EFNA5: variants seen among roughly 807,000 people sequenced by gnomAD.
EFNA5 encodes the protein ephrin A5.
Under a neutral mutation model 22.9 loss-of-function variants are expected in EFNA5, and 5 were observed. The ratio of observed to expected loss-of-function variants is 0.22; its 90% CI spans 0.11 to 0.46. EFNA5 has a LOEUF of 0.46. EFNA5 is among the 20% of genes least tolerant of loss of function. The pLI is 0.99. For synonymous variants in EFNA5, 113 were observed against 112.2 expected (o/e 1.01, Z -0.04); for missense variants, 237 against 293.3 (o/e 0.81, Z 1.40).
chr5:107,626,675 A>G (rs1750148175), intron 1 of EFNA5, among the ~76,000 whole-genome samples: 1 of 152,216 alleles, frequency 6.6e-6, no homozygotes, highest in South Asian at 2.1e-4. Context: ...TTGCCTTAAT[A>G]AAACATAACT....
chr5:107,639,926 G>A (rs1750468187), intron 1 of EFNA5, among the ~76,000 whole-genome samples: 1 of 152,072 alleles, frequency 6.6e-6, no homozygotes, highest in Non-Finnish European at 1.5e-5. Context: ...TAAAATATAA[G>A]AAAAGCTTTA....
At chr5:107,540,618 C>T (rs532404203) in intron 1 of EFNA5, among the ~76,000 whole-genome samples, 1 of 152,160 alleles carries the variant, frequency 6.6e-6, no homozygotes, top group African/African-American at 2.4e-5. Flanking sequence ...ATTATTAAAG[C>T]TAATGAAAAG....
chr5:107,582,143 G>A (rs367579469), intron 1 of EFNA5, among the ~76,000 whole-genome samples: 1 of 152,242 alleles, frequency 6.6e-6, no homozygotes, highest in South Asian at 2.1e-4. Flanking sequence ...TAAATTGTTA[G>A]TAACTCTAAT....
At chr5:107,567,093 G>A (rs980627513) in intron 1 of EFNA5, among the ~76,000 whole-genome samples, 4 of 152,186 alleles carry the variant, frequency 2.6e-5, no homozygotes, top group Non-Finnish European at 2.9e-5. Flanking sequence ...AGCTAGATAT[G>A]ATTGGAAATA....
chr5:107,560,716 C>A (rs1748516657), intron 1 of EFNA5, among the ~76,000 whole-genome samples: 1 of 152,200 alleles, frequency 6.6e-6, no homozygotes. Context: ...TAGACTTGGG[C>A]TCCTCTCCTT....
At chr5:107,476,340 A>C (rs976068460) in intron 1 of EFNA5, among the ~76,000 whole-genome samples, 6 of 151,850 alleles carry the variant, frequency 4.0e-5, no homozygotes, top group African/African-American at 7.3e-5. Context: ...GGAGTGAGCC[A>C]CTGTGCCCAG....
At chr5:107,492,225 G>A (rs1746824838) in intron 1 of EFNA5, among the ~76,000 whole-genome samples, 1 of 151,896 alleles carries the variant, frequency 6.6e-6, no homozygotes, top group African/African-American at 2.4e-5. Flanking sequence ...GTCTTATAAA[G>A]TTACAAAAAC....
At chr5:107,620,388 C>T (rs1208062508) in intron 1 of EFNA5, among the ~76,000 whole-genome samples, 3 of 152,136 alleles carry the variant, frequency 2.0e-5, no homozygotes, top group Admixed American at 6.5e-5. Flanking sequence ...TATTTATGAA[C>T]GTTATACACA....
intron 1 of EFNA5, among the ~76,000 whole-genome samples, chr5:107,588,713 C>A (rs1228042767): frequency 6.6e-6 from 1 of 151,980 alleles, no homozygotes; most frequent in Non-Finnish European, 1.5e-5. Context: ...ACTGTTAGTG[C>A]CCAGGAGACA....
chr5:107,623,027 CAAAAAAAAAAAAAAAAAAA>C (rs61689503), intron 1 of EFNA5, among the ~76,000 whole-genome samples: 6 of 29,886 alleles, frequency 2.0e-4, no homozygotes, highest in Non-Finnish European at 3.4e-4. Flanking sequence ...GACTCCGTCT[CAAAAAAAAAAAAAAAAAAA>C]AAAAAAAAAA....
rs776985020 is a variant in EFNA5 at position 107,670,620 on chromosome 5, T to G, written c.-7A>C. On this transcript the variant is annotated 5_prime_UTR_variant, in exon 1 of 5. Transcript: ENST00000333274. ...ACATCTCCACGTGCAACATCACGCC[T>G]GGCCAGCGGCGGAGCCCCCGACGCG... 6.2e-7 allele frequency: 1 copy of G among 1,600,490 alleles called. No individual in the cohort carries two copies. Among genetic ancestry groups the G allele is most frequent in the South Asian group, 1.1e-5 (1 of 88,234 alleles).
intron 2 of EFNA5, among the ~76,000 whole-genome samples, chr5:107,402,810 C>T (rs543124046): frequency 1.1e-3 from 163 of 152,278 alleles, no homozygotes; most frequent in Middle Eastern, 6.8e-3. Flanking sequence ...ATCAAGTCTT[C>T]GGGCAAATTT....
intron 1 of EFNA5, among the ~76,000 whole-genome samples, chr5:107,475,929 G>A (rs1750272754): frequency 6.7e-6 from 1 of 150,028 alleles, no homozygotes; most frequent in Non-Finnish European, 1.5e-5. Flanking sequence ...TTTTACAAGA[G>A]TGAATTTCAA....
intron 1 of EFNA5, among the ~76,000 whole-genome samples, chr5:107,569,975 C>A (rs1462716127): frequency 6.6e-6 from 1 of 151,712 alleles, no homozygotes; most frequent in East Asian, 1.9e-4. Flanking sequence ...AGATCACTGA[C>A]AGGGAAAAAA....
intron 2 of EFNA5, among the ~76,000 whole-genome samples, chr5:107,406,142 C>T (rs567425759): frequency 1.9e-4 from 28 of 144,036 alleles, no homozygotes; most frequent in East Asian, 6.1e-4. Context: ...TATACAAATA[C>T]ATGTATTTGT....
chr5:107,407,248 G>A (rs189439989), intron 2 of EFNA5, among the ~76,000 whole-genome samples: 30 of 152,230 alleles, frequency 2.0e-4, no homozygotes, highest in African/African-American at 6.7e-4. Context: ...TGCCGAGTAG[G>A]AGCAGCAGCA....
At chr5:107,549,002 T>C (rs1748229400) in intron 1 of EFNA5, among the ~76,000 whole-genome samples, 1 of 152,212 alleles carries the variant, frequency 6.6e-6, no homozygotes. Flanking sequence ...GCAATTACAA[T>C]TGTGTAATTG....
At chr5:107,394,967 A>T (rs1241480777) in intron 2 of EFNA5, among the ~76,000 whole-genome samples, 1 of 150,516 alleles carries the variant, frequency 6.6e-6, no homozygotes, top group African/African-American at 2.4e-5. Flanking sequence ...TTTAGGTATG[A>T]GCCAAAAATA....
At chr5:107,479,318 T>C (rs1750390318) in intron 1 of EFNA5, among the ~76,000 whole-genome samples, 1 of 152,162 alleles carries the variant, frequency 6.6e-6, no homozygotes, top group African/African-American at 2.4e-5. Flanking sequence ...ATAATAAAAA[T>C]AGCACTTCCT....
Sources: allele counts gnomAD v4.1 joint callset (sites outside exome capture counted in the v4.1 genomes callset), GRCh38; gene constraint gnomAD v4.1.1; transcripts MANE v1.5; gene names NCBI Gene and HGNC (gene_info 2026-07-23, HGNC 2026-07-21).